The following NOMO3 variants were observed in gnomAD, a reference collection of about 807,000 sequenced individuals.
NOMO3 encodes the protein NODAL modulator 3, also known as BOS complex subunit NOMO3.
Under a neutral mutation model 69.9 loss-of-function variants are expected in NOMO3, and 15 were observed. The observed-to-expected ratio is 0.21, with a 90% CI of 0.14 to 0.33. NOMO3 has a LOEUF of 0.33. NOMO3 is among the 10% of genes least tolerant of loss of function. NOMO3 has a pLI of 1.00. For synonymous variants in NOMO3, 89 were observed against 301.9 expected, an observed-to-expected ratio of 0.29 and a Z score of 7.31; for missense variants, 218 against 761.0, an observed-to-expected ratio of 0.29 and a Z score of 8.39.
rs59189620 is a variant in NOMO3, at chr16:16,266,387, C to CTTT, written c.1807-641_1807-639dup. ...TTTCCAGCTCTCTTGTAATAAGATC[C>CTTT]TTTTTTTTTTTTTTTTTTGACACTT... is the stretch of plus-strand genomic sequence containing the variant. On this transcript the variant is annotated intron_variant, in intron 15 of 30. Coordinates refer to ENST00000399336, the MANE Select transcript of NOMO3 (RefSeq NM_001004067.4). 3.2e-4 allele frequency among the ~76,000 whole-genome samples: 31 copies of CTTT among 96,954 alleles called. 2 individuals carry two copies. The highest frequency in any genetic ancestry group is 1.2e-3 in the African/African-American group (25 of 21,228). The allele number at this position is 96,954 out of a possible 152,430, so 63.6% of individuals were successfully genotyped here. A position where few individuals can be genotyped will look rare whatever the true frequency, so the allele number is the denominator to read the frequency against.
intron 11 of NOMO3, among the ~76,000 whole-genome samples, chr16:16,258,597 G>C (rs2049535671): frequency 7.1e-6 from 1 of 141,434 alleles, no homozygotes; most frequent in Non-Finnish European, 1.5e-5. Flanking sequence ...CGGGCACGGT[G>C]GCTCACGCCT....
chr16:16,254,123 T>TAAG (rs1204439842), intron 9 of NOMO3, among the ~76,000 whole-genome samples: 2 of 142,832 alleles, frequency 1.4e-5, no homozygotes, highest in Non-Finnish European at 3.0e-5. Flanking sequence ...AAGAGAAGGG[T>TAAG]AAGAAGATGA....
At chr16:16,274,136 AT>A in intron 20 of NOMO3, 61 bp downstream of exon 20, 1 of 971,932 alleles carries the variant, frequency 1.0e-6, no homozygotes, top group Non-Finnish European at 1.5e-6. Flanking sequence ...CCTTGCCTGC[AT>A]TTACAAGTAG....
intron 9 of NOMO3, among the ~76,000 whole-genome samples, chr16:16,253,312 G>A (rs2049481443): frequency 7.1e-6 from 1 of 141,284 alleles, no homozygotes; most frequent in Non-Finnish European, 1.5e-5. Flanking sequence ...AGTCCTCCCT[G>A]TGAAGGTGAC....
rs1400343269 is a variant in NOMO3 at position 16,256,064 on chromosome 16, A to G, written c.1126A>G (p.Thr376Ala). ...TGAGAACATAACCACAGGGACATAC[A>G]CCATCCATGCTCAGAAAGAGCACCT... ...RLENITTGTY[T>A]IHAQKEHLYF... Residue 376 changes from threonine (T) to alanine (A), a missense_variant, in exon 11 of 31, where the codon ACC (threonine) becomes GCC (alanine). Thr to Ala is a moderately conservative substitution (Grantham distance 58, BLOSUM62 0). Transcript: ENST00000399336. 6.3e-7 allele frequency: 1 copy of G among 1,584,802 alleles called. No individual in the cohort carries two copies. Among genetic ancestry groups the G allele is most frequent in the Non-Finnish European group, 8.5e-7 (1 of 1,174,492 alleles).
chr16:16,249,377 C>T (rs370308135), intron 6 of NOMO3, among the ~76,000 whole-genome samples: 20 of 143,916 alleles, frequency 1.4e-4, no homozygotes, highest in Non-Finnish European at 1.8e-4. Flanking sequence ...GTCAGGAGTT[C>T]GAGACCAACC....
At chr16:16,243,535 G>A (rs2141248876) in intron 4 of NOMO3, among the ~76,000 whole-genome samples, 1 of 142,908 alleles carries the variant, frequency 7.0e-6, no homozygotes, top group East Asian at 2.3e-4. Flanking sequence ...TTGAGACAGG[G>A]TCTTCCTCTA....
At chr16:16,268,493 T>C (rs1227184542) in intron 16 of NOMO3, among the ~76,000 whole-genome samples, 3 of 144,166 alleles carry the variant, frequency 2.1e-5, no homozygotes, top group Non-Finnish European at 4.4e-5. Flanking sequence ...AATAATTCAG[T>C]GGCTCCTCCG....
intron 12 of NOMO3, 87 bp from the exon 13 acceptor site, chr16:16,262,987 G>C: frequency 6.4e-7 from 1 of 1,550,726 alleles, no homozygotes; most frequent in Non-Finnish European, 8.6e-7. Flanking sequence ...TTTAGCCTTG[G>C]TCCCAGATGA....
chr16:16,265,241 G>A (rs191265621), intron 15 of NOMO3, 62 bp downstream of exon 15: 1 of 1,588,886 alleles, frequency 6.3e-7, no homozygotes, highest in African/African-American at 1.6e-5. Flanking sequence ...TGTCAAGAAA[G>A]ACTAACATCC....
intron 12 of NOMO3, among the ~76,000 whole-genome samples, chr16:16,262,830 G>A (rs1438322081): frequency 7.1e-6 from 1 of 141,292 alleles, no homozygotes; most frequent in Non-Finnish European, 1.5e-5. Context: ...GGGGAATTAG[G>A]CCAGATAGAC....
chr16:16,270,271 T>C, intron 17 of NOMO3, 87 bp downstream of exon 17: 2 of 1,584,174 alleles, frequency 1.3e-6, no homozygotes, highest in Non-Finnish European at 1.7e-6. Context: ...AAGGAGTTTT[T>C]CTGTTTTTTT....
chr16:16,249,777 C>T (rs1406380007), intron 6 of NOMO3, among the ~76,000 whole-genome samples: 2 of 143,230 alleles, frequency 1.4e-5, no homozygotes, highest in African/African-American at 2.9e-5. Context: ...TGTTAGTGAC[C>T]GGAAGCAAGT....
intron 2 of NOMO3, among the ~76,000 whole-genome samples, chr16:16,237,322 T>C (rs2049334669): frequency 6.9e-6 from 1 of 144,310 alleles, no homozygotes; most frequent in South Asian, 2.2e-4. Context: ...CAGATGTCAG[T>C]AGTGCCAGGG....
chr16:16,238,314 C>T (rs1309186692), intron 2 of NOMO3, among the ~76,000 whole-genome samples: 4 of 136,632 alleles, frequency 2.9e-5, no homozygotes, highest in Non-Finnish European at 6.1e-5. Flanking sequence ...CTCACTGCAA[C>T]CTCTGCCTCC....
intron 16 of NOMO3, among the ~76,000 whole-genome samples, chr16:16,268,879 C>T (rs1380365719): frequency 7.0e-6 from 1 of 143,504 alleles, no homozygotes; most frequent in East Asian, 2.3e-4. Flanking sequence ...TTTCCTTGCG[C>T]CCCCTCCTCC....
At chr16:16,244,305 ATTTTT>A (rs2049398917) in intron 4 of NOMO3, among the ~76,000 whole-genome samples, 1 of 138,236 alleles carries the variant, frequency 7.2e-6, no homozygotes, top group Non-Finnish European at 1.5e-5. Flanking sequence ...ACCTTTTTTT[ATTTTT>A]ATTTTTATTT....
chr16:16,255,668 T>C (rs1204638536), intron 9 of NOMO3, 52 bp from the exon 10 acceptor site: 23 of 1,582,552 alleles, frequency 1.5e-5, no homozygotes, highest in Non-Finnish European at 1.9e-5. Flanking sequence ...GGAGGCTTTG[T>C]GGCTCTGGCA....
At chr16:16,235,270 C>T (rs1197312015) in intron 1 of NOMO3, among the ~76,000 whole-genome samples, 2 of 150,820 alleles carry the variant, frequency 1.3e-5, no homozygotes, top group Non-Finnish European at 2.9e-5. Context: ...CATAGCGGCT[C>T]GTGTCATGGT....
Sources: allele counts gnomAD v4.1 joint callset (sites outside exome capture counted in the v4.1 genomes callset), GRCh38; gene constraint gnomAD v4.1.1; transcripts MANE v1.5; gene names NCBI Gene and HGNC (gene_info 2026-07-23, HGNC 2026-07-21).